CPED1: variants seen among roughly 807,000 people sequenced by gnomAD.
CPED1 encodes the protein cadherin-like and PC-esterase domain-containing protein 1.
Under a neutral mutation model 128.2 loss-of-function variants are expected in CPED1, and 114 were observed. That is an observed-to-expected ratio of 0.89 (90% CI 0.76 to 1.04). CPED1 has a LOEUF of 1.04. Among genes scored for constraint, CPED1 ranks in the 50% least tolerant of loss-of-function variants. The probability of loss-of-function intolerance (pLI) is 0.00; values close to 1 mark genes in which losing one functional copy is unlikely to be tolerated. For missense variants in CPED1, 1,211 were observed against 1,207.1 expected (o/e 1.00, Z -0.05); for synonymous variants, 462 against 426.7 (o/e 1.08, Z -1.02).
At chr7:121,248,915 C>T (rs1798602261) in intron 18 of CPED1, among the ~76,000 whole-genome samples, 1 of 152,112 alleles carries the variant, frequency 6.6e-6, no homozygotes, top group African/African-American at 2.4e-5. Flanking sequence ...AAAGTTGAAA[C>T]TCAATCCAAG....
At chr7:121,245,334 A>G (rs1798500675) in intron 18 of CPED1, among the ~76,000 whole-genome samples, 1 of 152,080 alleles carries the variant, frequency 6.6e-6, no homozygotes, top group African/African-American at 2.4e-5. Context: ...TTTTAAAAAA[A>G]GAAGGGAAGA....
At position 121,059,984 on chromosome 7, in the gene CPED1, C is replaced by T. The variant is rs916397147; in HGVS notation, c.541-4254C>T. On this transcript the variant is annotated intron_variant, in intron 4 of 22. Coordinates refer to ENST00000310396, the MANE Select transcript of CPED1 (RefSeq NM_024913.5). ...GGAGGTGTGGAGGGAGAGGCGCGAG[C>T]GGGAACCCGGGCTGCGCGCGGCGCT... is the stretch of plus-strand genomic sequence containing the variant. Among the ~76,000 whole-genome samples the T allele has an allele frequency of 6.8e-4, 104 of 152,176 alleles. 2 individuals carry two copies. The highest frequency in any genetic ancestry group is 1.0e-4 in the Non-Finnish European group (7 of 68,010).
At chr7:121,076,360 G>A (rs377009801) in intron 5 of CPED1, among the ~76,000 whole-genome samples, 17 of 152,098 alleles carry the variant, frequency 1.1e-4, no homozygotes, top group Non-Finnish European at 8.8e-5. Context: ...TTTTAATATT[G>A]TCCATAAACT....
At chr7:121,091,193 A>G (rs1794565158) in intron 5 of CPED1, among the ~76,000 whole-genome samples, 1 of 152,118 alleles carries the variant, frequency 6.6e-6, no homozygotes, top group South Asian at 2.1e-4. Context: ...AAATTGCAGT[A>G]ACTGACTCAG....
At chr7:121,017,571 C>T (rs1639153398) in intron 3 of CPED1, among the ~76,000 whole-genome samples, 1 of 152,134 alleles carries the variant, frequency 6.6e-6, no homozygotes. Flanking sequence ...GCAGAATGGC[C>T]CTGATAACAT....
intron 16 of CPED1, among the ~76,000 whole-genome samples, chr7:121,226,417 A>C (rs1798015005): frequency 6.6e-6 from 1 of 152,022 alleles, no homozygotes; most frequent in Non-Finnish European, 1.5e-5. Context: ...TGTCCTCCAC[A>C]TCCATCTTTT....
chr7:120,995,782 C>T (rs1363912162), intron 2 of CPED1, among the ~76,000 whole-genome samples: 1 of 152,124 alleles, frequency 6.6e-6, no homozygotes, highest in Non-Finnish European at 1.5e-5. Context: ...GGCCTGGCTC[C>T]TTACCAAATC....
chr7:121,076,323 A>G (rs963976622), intron 5 of CPED1, among the ~76,000 whole-genome samples: 1 of 152,186 alleles, frequency 6.6e-6, no homozygotes, highest in Non-Finnish European at 1.5e-5. Context: ...TAAGCTTTCT[A>G]CATGTGTGAA....
At chr7:121,045,610 G>A (rs940241522) in intron 3 of CPED1, among the ~76,000 whole-genome samples, 2 of 152,090 alleles carry the variant, frequency 1.3e-5, no homozygotes, top group African/African-American at 4.8e-5. Context: ...AAAGAAGTTG[G>A]TTACTTTGTA....
At chr7:121,199,095 T>A (rs1327912423) in intron 16 of CPED1, among the ~76,000 whole-genome samples, 1 of 152,132 alleles carries the variant, frequency 6.6e-6, no homozygotes, top group African/African-American at 2.4e-5. Flanking sequence ...GAAATAGGAA[T>A]TACAAGTGCT....
chr7:121,002,051 A>G (rs1318226515), intron 2 of CPED1, among the ~76,000 whole-genome samples: 1 of 152,186 alleles, frequency 6.6e-6, no homozygotes, highest in African/African-American at 2.4e-5. Context: ...TTTTCATTAA[A>G]AATTTATAGT....
intron 16 of CPED1, among the ~76,000 whole-genome samples, chr7:121,164,843 G>A (rs1307926912): frequency 6.6e-6 from 1 of 152,174 alleles, no homozygotes; most frequent in Non-Finnish European, 1.5e-5. Flanking sequence ...TCACCAAGGA[G>A]ATAGTTTTAT....
rs527943177 is a variant in CPED1 at position 121,184,884 on chromosome 7, T to C, written c.2055+42743T>C. Among the ~76,000 whole-genome samples the C allele has an allele frequency of 8.5e-5, 13 of 152,270 alleles. 1 individual carries two copies. In the South Asian group the frequency reaches 2.5e-3, roughly 29 times the overall value. ...GAACAATATTCAATATTGGATTGAC[T>C]ATATACTTGAAAGCATAAAAATAAT... On this transcript the variant is annotated intron_variant, in intron 16 of 22. Transcript: ENST00000310396.
intron 16 of CPED1, among the ~76,000 whole-genome samples, chr7:121,196,415 G>C (rs567886824): frequency 5.9e-5 from 9 of 152,060 alleles, no homozygotes; most frequent in Non-Finnish European, 1.2e-4. Context: ...TTTTGAAAAA[G>C]AGCATGATTA....
chr7:121,254,687 A>T (rs1233886676), intron 18 of CPED1, among the ~76,000 whole-genome samples: 1 of 151,972 alleles, frequency 6.6e-6, no homozygotes, highest in Non-Finnish European at 1.5e-5. Context: ...AAAAAGAGAG[A>T]TCCAAATAAG....
intron 3 of CPED1, among the ~76,000 whole-genome samples, chr7:121,029,026 A>G (rs1792666770): frequency 1.3e-5 from 2 of 152,108 alleles, no homozygotes; most frequent in Non-Finnish European, 1.5e-5. Flanking sequence ...CTTTGTAAAC[A>G]TTATTTCAAT....
intron 22 of CPED1, among the ~76,000 whole-genome samples, chr7:121,274,798 A>G (rs1457316208): frequency 5.3e-5 from 8 of 152,168 alleles, no homozygotes; most frequent in African/African-American, 1.7e-4. Context: ...TTAGCTTATT[A>G]CAAACAATCC....
At chr7:121,120,065 G>A (rs960452098) in intron 7 of CPED1, among the ~76,000 whole-genome samples, 3 of 152,150 alleles carry the variant, frequency 2.0e-5, no homozygotes, top group African/African-American at 7.2e-5. Flanking sequence ...ATCTACTGAT[G>A]CACGTTTGGG....
chr7:121,049,914 A>G (rs1467480291), intron 4 of CPED1, among the ~76,000 whole-genome samples: 2 of 152,214 alleles, frequency 1.3e-5, no homozygotes, highest in East Asian at 3.8e-4. Flanking sequence ...GGTTAAAGCC[A>G]AGGATGCTGC....
Sources: gnomAD v4.1 joint callset for allele counts (sites outside exome capture counted in the v4.1 genomes callset) on GRCh38, gnomAD v4.1.1 for gene constraint, MANE v1.5 for transcripts, NCBI Gene and HGNC (gene_info 2026-07-23, HGNC 2026-07-21) for gene names.